Variants in ATF1 observed in about 807,000 individuals in gnomAD.
ATF1 encodes activating transcription factor 1, also known as cyclic AMP-dependent transcription factor ATF-1.
Under a neutral mutation model 34.7 loss-of-function variants are expected in ATF1, and 16 were observed. The ratio of observed to expected loss-of-function variants is 0.46; its 90% confidence interval spans 0.31 to 0.70. The LOEUF (loss-of-function observed/expected upper bound fraction) is 0.70. ATF1 is among the 30% of genes least tolerant of loss of function. The pLI, the probability that ATF1 is intolerant of heterozygous loss-of-function variation, is 0.05. For missense variants in ATF1, 255 were observed against 321.6 expected, an observed-to-expected ratio of 0.79 and a Z score of 1.58; for synonymous variants, 105 against 113.1, an observed-to-expected ratio of 0.93 and a Z score of 0.46.
chr12:50,788,923 A>G (rs1941244101), intron 2 of ATF1, among the ~76,000 whole-genome samples: 3 of 152,174 alleles, frequency 2.0e-5, no homozygotes, highest in Admixed American at 6.6e-5. Context: ...TCCCAAGTGT[A>G]GTACAAAGTG....
chr12:50,794,776 G>A (rs572834037), intron 2 of ATF1, among the ~76,000 whole-genome samples: 2 of 151,814 alleles, frequency 1.3e-5, no homozygotes, highest in Non-Finnish European at 2.9e-5. Context: ...TGAATTAGCT[G>A]GGCATGGTGG....
intron 1 of ATF1, among the ~76,000 whole-genome samples, chr12:50,769,612 G>A (rs1940722952): frequency 6.6e-6 from 1 of 152,118 alleles, no homozygotes; most frequent in Non-Finnish European, 1.5e-5. Context: ...ATGTTCCAAA[G>A]TTATGGGAAA....
chr12:50,789,910 C>T (rs1220963450), intron 2 of ATF1, among the ~76,000 whole-genome samples: 1 of 152,098 alleles, frequency 6.6e-6, no homozygotes, highest in South Asian at 2.1e-4. Context: ...TGAGGTTAGA[C>T]GAACCGTAGT....
intron 3 of ATF1, among the ~76,000 whole-genome samples, chr12:50,797,142 C>T (rs747265117): frequency 3.9e-5 from 6 of 152,098 alleles, no homozygotes; most frequent in Non-Finnish European, 8.8e-5. Context: ...AGGTCCAGTA[C>T]ACAACATACA....
chr12:50,820,719 A>G lies in ATF1; in HGVS notation c.*940A>G, dbSNP rs1221107137. ...AATAATGTAAGGTTTATCAGATTCT[A>G]TAATAGTATAGTTATTAAGGCAATT... On this transcript the variant is annotated 3_prime_UTR_variant, in exon 7 of 7. Transcript: ENST00000262053. 2 of 179,026 alleles carry G rather than the reference A, an allele frequency of 1.1e-5. No homozygotes were observed. Among genetic ancestry groups the G allele is most frequent in the Non-Finnish European group, 2.4e-5 (2 of 83,182 alleles). 11.1% of individuals were successfully genotyped at this position (179,026 alleles called of 1,614,324 possible). A position where few individuals can be genotyped will look rare whatever the true frequency, so the allele number is the denominator to read the frequency against.
At chr12:50,800,768 G>C (rs1405756949) in intron 3 of ATF1, among the ~76,000 whole-genome samples, 3 of 152,160 alleles carry the variant, frequency 2.0e-5, no homozygotes, top group Admixed American at 6.5e-5. Flanking sequence ...CACGAAACTG[G>C]TCCCTGGTGC....
At chr12:50,771,604 A>G (rs1463544769) in intron 1 of ATF1, among the ~76,000 whole-genome samples, 1 of 152,058 alleles carries the variant, frequency 6.6e-6, no homozygotes, top group South Asian at 2.1e-4. Flanking sequence ...GACGGGGGGA[A>G]ATGTCAGAGG....
rs141797982 is a variant in ATF1, at chr12:50,780,247, G to T, written c.93+9G>T. The T allele has an allele frequency of 6.3e-7, 1 of 1,587,680 alleles. No homozygotes were observed. Among genetic ancestry groups the T allele is most frequent in the African/African-American group, 1.3e-5 (1 of 74,310 alleles). On this transcript the variant is annotated intron_variant, in intron 2 of 6. Transcript: ENST00000262053. ...CTCATATTGCTCAACAGGTAAGGGA[G>T]GGACTGGCCAAAATACTGAGCTTGT...
At chr12:50,773,255 G>A (rs1940823038) in intron 1 of ATF1, among the ~76,000 whole-genome samples, 1 of 152,102 alleles carries the variant, frequency 6.6e-6, no homozygotes, top group African/African-American at 2.4e-5. Flanking sequence ...ATAATAGAAT[G>A]ATTTATATTC....
intron 2 of ATF1, among the ~76,000 whole-genome samples, chr12:50,781,891 G>A (rs1231252134): frequency 6.8e-6 from 1 of 147,294 alleles, no homozygotes; most frequent in Non-Finnish European, 1.5e-5. Context: ...CTCCAGCCTG[G>A]GTGACAGAGT....
intron 2 of ATF1, among the ~76,000 whole-genome samples, chr12:50,781,038 A>C (rs1312796924): frequency 6.6e-6 from 1 of 152,160 alleles, no homozygotes; most frequent in Non-Finnish European, 1.5e-5. Flanking sequence ...TAAGAAAAGA[A>C]GGTGGACTTT....
intron 3 of ATF1, among the ~76,000 whole-genome samples, chr12:50,808,347 A>AGAT (rs1941660746): frequency 6.7e-6 from 1 of 149,784 alleles, no homozygotes; most frequent in African/African-American, 2.5e-5. Context: ...GTTTCTTTTG[A>AGAT]GATGGAATCT....
chr12:50,796,203 T>C (rs1395832861), intron 3 of ATF1, among the ~76,000 whole-genome samples, 194 bp downstream of exon 3: 1 of 152,172 alleles, frequency 6.6e-6, no homozygotes, highest in Non-Finnish European at 1.5e-5. Flanking sequence ...AAGACCAGCC[T>C]GGGCAACATG....
chr12:50,791,424 C>T (rs1044205417), intron 2 of ATF1, among the ~76,000 whole-genome samples: 3 of 152,054 alleles, frequency 2.0e-5, no homozygotes, highest in Non-Finnish European at 4.4e-5. Flanking sequence ...GGCGTGGTCA[C>T]GCATGCCTGT....
At chr12:50,812,976 G>C (rs1393147825) in intron 4 of ATF1, among the ~76,000 whole-genome samples, 2 of 152,018 alleles carry the variant, frequency 1.3e-5, no homozygotes, top group African/African-American at 4.8e-5. Context: ...ATGTATTTTG[G>C]CTTCCTGGTA....
chr12:50,817,914 A>T (rs549599253), intron 6 of ATF1, among the ~76,000 whole-genome samples: 1 of 152,306 alleles, frequency 6.6e-6, no homozygotes, highest in Non-Finnish European at 1.5e-5. Flanking sequence ...CAACCATTTT[A>T]AAATGTTCAT....
At chr12:50,818,020 ACT>A (rs1941877987) in intron 6 of ATF1, among the ~76,000 whole-genome samples, 1 of 151,532 alleles carries the variant, frequency 6.6e-6, no homozygotes, top group South Asian at 2.1e-4. Context: ...TTCTGGTTTG[ACT>A]CTGGGATTTT....
In ATF1 at chr12:50,773,632, C is replaced by T. The variant is rs191314272; in HGVS notation, c.-6-6508C>T. ...AGACTGAGTCTTGCTCTCTTGCCCA[C>T]GTTGGAGTGCAGTGGTGCAATTTCT... On this transcript the variant is annotated intron_variant, in intron 1 of 6. Transcript: ENST00000262053. Among the ~76,000 whole-genome samples the T allele has an allele frequency of 2.3e-4, 35 of 151,644 alleles. No individual in the cohort carries two copies. The East Asian group carries it at 5.6e-3, about 24-fold the overall frequency.
rs1040603598 is a variant in ATF1, at chr12:50,820,480, AGTTG to A, written c.*705_*708del. ...GTTTAAAAGTTTGATACTTTTAAATAGTTGGTTTTTTTGCTTACTCTGGTAATGA... is the reference window on the plus strand; with the variant it reads ...GTTTAAAAGTTTGATACTTTTAAATAGTTTTTTTGCTTACTCTGGTAATGA... On this transcript the variant is annotated 3_prime_UTR_variant, in exon 7 of 7. Transcript: ENST00000262053. 4 of 182,266 alleles carry A rather than the reference AGTTG, an allele frequency of 2.2e-5. No homozygotes were observed. The highest frequency in any genetic ancestry group is 7.1e-5 in the African/African-American group (3 of 42,552). The allele number at this position is 182,266 out of a possible 1,614,324, so 11.3% of individuals were successfully genotyped here. A position where few individuals can be genotyped will look rare whatever the true frequency, so the allele number is the denominator to read the frequency against.
Sources: gnomAD v4.1 joint callset for allele counts (sites outside exome capture counted in the v4.1 genomes callset) on GRCh38, gnomAD v4.1.1 for gene constraint, MANE v1.5 for transcripts, NCBI Gene and HGNC (gene_info 2026-07-23, HGNC 2026-07-21) for gene names.